Variants in ST6GALNAC5 observed in about 807,000 individuals in gnomAD.
ST6GALNAC5 encodes the protein alpha-N-acetylgalactosaminide alpha-2,6-sialyltransferase 5.
In ST6GALNAC5, 27 loss-of-function variants were observed where a neutral mutation model predicts 33.6. That is an observed-to-expected ratio of 0.80 (90% confidence interval 0.59 to 1.11). The LOEUF (loss-of-function observed/expected upper bound fraction) is 1.11. Among genes scored for constraint, ST6GALNAC5 ranks in the 50% least tolerant of loss-of-function variants. ST6GALNAC5 has a pLI of 0.00. For missense variants in ST6GALNAC5, 428 were observed against 454.0 expected, an observed-to-expected ratio of 0.94 and a Z score of 0.52; for synonymous variants, 194 against 171.2, an observed-to-expected ratio of 1.13 and a Z score of -1.04.
chr1:77,024,602 T>C lies in ST6GALNAC5; in HGVS notation c.262-19602T>C, dbSNP rs1370896628. Among the ~76,000 whole-genome samples the C allele has an allele frequency of 2.0e-5, 3 of 152,182 alleles. No individual in the cohort carries two copies. The East Asian group carries it at 5.8e-4, about 29-fold the overall frequency. On this transcript the variant is annotated intron_variant, in intron 2 of 4. Transcript: ENST00000477717. ...CATCTCACCTCTGCCTAGCACTGTG[T>C]GCTCTGGATGGCCAGGGAAGGTCTC...
chr1:77,061,232 C>T (rs1652564812), intron 4 of ST6GALNAC5, among the ~76,000 whole-genome samples: 2 of 152,016 alleles, frequency 1.3e-5, no homozygotes, highest in Non-Finnish European at 2.9e-5. Context: ...GCATCCAAAC[C>T]AGGATAAGGA....
rs1054878014 is a variant in ST6GALNAC5 at position 76,935,922 on chromosome 1, A to G, written c.261+67180A>G. Among the ~76,000 whole-genome samples, 11 of 152,136 alleles carry G rather than the reference A, an allele frequency of 7.2e-5. No homozygotes were observed. The South Asian group carries it at 2.3e-3, about 32-fold the overall frequency. On this transcript the variant is annotated intron_variant, in intron 2 of 4. Coordinates refer to ENST00000477717, the MANE Select transcript of ST6GALNAC5 (RefSeq NM_030965.3). Reference sequence around the variant, plus strand: ...ACTGATTAGGCATGGCTTCTGTGCCAGATTATGGGTATAATATAACATCTC... The same window carrying G: ...ACTGATTAGGCATGGCTTCTGTGCCGGATTATGGGTATAATATAACATCTC...
chr1:77,017,958 C>G (rs1300044765), intron 2 of ST6GALNAC5, among the ~76,000 whole-genome samples: 1 of 152,128 alleles, frequency 6.6e-6, no homozygotes, highest in African/African-American at 2.4e-5. Context: ...ATCTGGAGAG[C>G]CAAAGATTCA....
intron 2 of ST6GALNAC5, among the ~76,000 whole-genome samples, chr1:76,878,113 C>T (rs1653689712): frequency 6.6e-6 from 1 of 152,136 alleles, no homozygotes; most frequent in Non-Finnish European, 1.5e-5. Context: ...CTCACCACCT[C>T]TGCATCTTTC....
At chr1:76,962,001 A>G (rs1317002403) in intron 2 of ST6GALNAC5, among the ~76,000 whole-genome samples, 1 of 152,206 alleles carries the variant, frequency 6.6e-6, no homozygotes, top group Non-Finnish European at 1.5e-5. Context: ...GCATGAATGA[A>G]GTGATTAATG....
intron 2 of ST6GALNAC5, among the ~76,000 whole-genome samples, chr1:77,035,328 A>G (rs1651610160): frequency 6.6e-6 from 1 of 152,214 alleles, no homozygotes; most frequent in Non-Finnish European, 1.5e-5. Flanking sequence ...TGGATCCCAT[A>G]TAAAAATATG....
chr1:76,890,189 C>G (rs924244180), intron 2 of ST6GALNAC5, among the ~76,000 whole-genome samples: 3 of 152,206 alleles, frequency 2.0e-5, no homozygotes, highest in African/African-American at 7.2e-5. Flanking sequence ...TAAGCCTAGA[C>G]CTTCTGCACA....
rs1021937502 is a variant in ST6GALNAC5 at position 76,966,282 on chromosome 1, A to C, written c.262-77922A>C. ...TTGTGTCCTCTTTTATTTCGTTGGG[A>C]AGTGGTTTGTAGTTCTCCTTGAAGA... On this transcript the variant is annotated intron_variant, in intron 2 of 4. Coordinates refer to ENST00000477717, the MANE Select transcript of ST6GALNAC5 (RefSeq NM_030965.3). Among the ~76,000 whole-genome samples the C allele has an allele frequency of 1.2e-4, 18 of 151,926 alleles. No individual in the cohort carries two copies. In the East Asian group the frequency reaches 1.3e-3, roughly 11 times the overall value.
chr1:76,890,408 T>A (rs145262900), intron 2 of ST6GALNAC5, among the ~76,000 whole-genome samples: 15 of 152,256 alleles, frequency 9.9e-5, no homozygotes, highest in African/African-American at 3.1e-4. Flanking sequence ...CTTCCCTCAT[T>A]GCTTAGGGTC....
At chr1:76,906,340 A>G (rs17099696) in intron 2 of ST6GALNAC5, among the ~76,000 whole-genome samples, 2,026 of 152,136 alleles carry the variant, frequency 0.013, 46 homozygotes, top group African/African-American at 0.046. Context: ...TTTTGGCAGC[A>G]TTTTTCAAGG....
intron 2 of ST6GALNAC5, among the ~76,000 whole-genome samples, chr1:77,016,620 C>T (rs375854006): frequency 6.6e-6 from 1 of 152,026 alleles, no homozygotes; most frequent in East Asian, 2.0e-4. Flanking sequence ...TAAGGCCAGG[C>T]TCTCTGTCCC....
At chr1:76,889,062 AGT>A (rs886246049) in intron 2 of ST6GALNAC5, among the ~76,000 whole-genome samples, 1 of 152,044 alleles carries the variant, frequency 6.6e-6, no homozygotes, top group African/African-American at 2.4e-5. Context: ...ACATCTTCCC[AGT>A]CACACCCCCA....
chr1:77,044,592 A>T lies in ST6GALNAC5; in HGVS notation c.650A>T (p.Lys217Met). The T allele has an allele frequency of 6.4e-7, 1 of 1,562,596 alleles. No homozygotes were observed. ...HKMLQFDELF[K>M]QETGKDRKIS... is the part of the protein sequence containing the mutation. The stretch of plus-strand genomic sequence containing the variant: ...ATGCTGCAGTTTGATGAGCTCTTCA[A>T]GCAGGAGACTGGCAAAGACAGGTAC... The change falls in exon 3 of 5, where the codon AAG becomes ATG. Residue 217 changes from lysine to methionine, a missense_variant. Physicochemically the swap from Lys to Met is moderately conservative, Grantham distance 95 (BLOSUM62 -1). Coordinates refer to ENST00000477717, the MANE Select transcript of ST6GALNAC5 (RefSeq NM_030965.3).
intron 2 of ST6GALNAC5, among the ~76,000 whole-genome samples, chr1:76,928,479 A>T (rs777695463): frequency 3.3e-5 from 5 of 152,136 alleles, no homozygotes; most frequent in Non-Finnish European, 5.9e-5. Context: ...TTTCATAGCA[A>T]TAAAGGTAGC....
intron 2 of ST6GALNAC5, among the ~76,000 whole-genome samples, chr1:76,912,259 T>C (rs1223451774): frequency 6.6e-5 from 10 of 152,310 alleles, no homozygotes; most frequent in Admixed American, 3.3e-4. Context: ...TAATCCTGAG[T>C]TCTAGTTTGA....
At chr1:76,885,745 T>A (rs1303502251) in intron 2 of ST6GALNAC5, among the ~76,000 whole-genome samples, 1 of 152,246 alleles carries the variant, frequency 6.6e-6, no homozygotes, top group African/African-American at 2.4e-5. Flanking sequence ...TTTCTTTCCC[T>A]GCTGTTTACA....
At chr1:76,983,460 C>G (rs543576863) in intron 2 of ST6GALNAC5, among the ~76,000 whole-genome samples, 1 of 152,280 alleles carries the variant, frequency 6.6e-6, no homozygotes, top group Non-Finnish European at 1.5e-5. Context: ...ACCAGAAGAG[C>G]TAACTATCCT....
intron 4 of ST6GALNAC5, 115 bp from the exon 5 acceptor site, chr1:77,062,859 CA>C (rs1652628560): frequency 1.4e-6 from 1 of 706,930 alleles, no homozygotes; most frequent in Admixed American, 2.8e-5. Flanking sequence ...TGTTCAAACT[CA>C]TTTAACTAGA....
intron 2 of ST6GALNAC5, among the ~76,000 whole-genome samples, chr1:76,906,567 ACTC>A (rs1334955433): frequency 2.0e-5 from 3 of 152,032 alleles, no homozygotes; most frequent in Admixed American, 6.6e-5. Context: ...ATTAAATAGT[ACTC>A]CTTCTATAAT....
Sources: allele counts gnomAD v4.1 joint callset (sites outside exome capture counted in the v4.1 genomes callset), GRCh38; gene constraint gnomAD v4.1.1; transcripts MANE v1.5; gene names NCBI Gene and HGNC (gene_info 2026-07-23, HGNC 2026-07-21).